The following TENM4 variants were observed in gnomAD, a reference collection of about 807,000 sequenced individuals.
TENM4 encodes the protein teneurin transmembrane protein 4, also known as teneurin-4.
In TENM4, 82 loss-of-function variants were observed where a neutral mutation model predicts 243.3. The ratio of observed to expected loss-of-function variants is 0.34; its 90% CI spans 0.28 to 0.40. TENM4 has a LOEUF of 0.40. Ranked by LOEUF, TENM4 falls within the 10% of genes least tolerant of loss-of-function variation. TENM4 has a pLI of 1.00. For synonymous variants in TENM4, 1,412 were observed against 1,456.3 expected (o/e 0.97, Z 0.69); for missense variants, 3,138 against 3,673.3 (o/e 0.85, Z 3.77).
In TENM4 at chr11:78,669,014, A is replaced by G. The variant is rs779428528; in HGVS notation, c.7331T>C (p.Val2444Ala). Residue 2444 changes from valine (V) to alanine (A), a missense_variant, in exon 32 of 34, where the codon GTC becomes GCC. Physicochemically the swap from Val to Ala is moderately conservative, Grantham distance 64. Coordinates refer to ENST00000278550, the MANE Select transcript of TENM4 (RefSeq NM_001098816.3). This position sits in a 1 kb window ranked among gnomAD's most constrained non-coding sequence, Gnocchi z 6.4. ...GAACATATAGAGATTAAAAGGCATG[A>G]CGTTGCTGCTACTAAGGTGCTTCCA... is the stretch of plus-strand genomic sequence containing the variant. ...ELWKHLSSSN[V>A]MPFNLYMFKN... is the part of the protein sequence containing the mutation. 1.1e-5 allele frequency: 18 copies of G among 1,613,934 alleles called. 1 individual carries two copies. In the South Asian group the frequency reaches 2.0e-4, roughly 18 times the overall value.
In TENM4 at chr11:79,092,600, T is replaced by C. The variant is rs529258887; in HGVS notation, c.-65-22591A>G. Among the ~76,000 whole-genome samples the C allele has an allele frequency of 5.6e-4, 85 of 152,340 alleles. 1 individual carries two copies. Among genetic ancestry groups the C allele is most frequent in the African/African-American group, 2.0e-3 (84 of 41,574 alleles). On this transcript the variant is annotated intron_variant, in intron 4 of 33. Transcript: ENST00000278550. ...GCCAGCCAGGCCTGGAAAGGGTTCA[T>C]GCTGCTTATTTTAACTAAAGAGTAG...
chr11:79,252,010 A>T (rs1565269255), intron 2 of TENM4, among the ~76,000 whole-genome samples: 3 of 152,190 alleles, frequency 2.0e-5, no homozygotes, highest in African/African-American at 7.2e-5. Context: ...ACATACAACT[A>T]ATGGAAATTT....
rs1862200671 is a variant in TENM4 at position 79,139,067 on chromosome 11, CTATAAATATATATT to C, written c.-66+9629_-66+9642del. Among the ~76,000 whole-genome samples, 6 of 5,896 alleles carry C rather than the reference CTATAAATATATATT, an allele frequency of 1.0e-3. No homozygotes were observed. In the South Asian group the frequency reaches 0.023, roughly 22 times the overall value. 3.9% of individuals were successfully genotyped at this position (5,896 alleles called of 152,430 possible). On this transcript the variant is annotated intron_variant, in intron 4 of 33. Coordinates refer to ENST00000278550, the MANE Select transcript of TENM4 (RefSeq NM_001098816.3). ...AATATATAAAATATATATTATATTT[CTATAAATATATATT>C]ATATTTCTATAAATATATAAAATAT...
chr11:78,753,288 T>G (rs1466705061), intron 19 of TENM4, among the ~76,000 whole-genome samples: 1 of 152,202 alleles, frequency 6.6e-6, no homozygotes, highest in Non-Finnish European at 1.5e-5. Flanking sequence ...AGAGTACCAT[T>G]ATTGCCAATT....
intron 1 of TENM4, among the ~76,000 whole-genome samples, chr11:79,412,510 T>G (rs575527079): frequency 8.5e-5 from 13 of 152,170 alleles, no homozygotes; most frequent in Non-Finnish European, 1.3e-4. Flanking sequence ...AGCTCCAACT[T>G]ACTACCCATG....
chr11:79,307,635 G>T (rs1418497185), intron 1 of TENM4, among the ~76,000 whole-genome samples: 2 of 152,102 alleles, frequency 1.3e-5, no homozygotes, highest in African/African-American at 4.8e-5. Context: ...CCCCAGCATG[G>T]CTCAGCCACT....
At chr11:79,010,676 T>C (rs920455448) in intron 6 of TENM4, among the ~76,000 whole-genome samples, 1 of 152,108 alleles carries the variant, frequency 6.6e-6, no homozygotes, top group African/African-American at 2.4e-5. Context: ...TTGTGAGACT[T>C]ACTATCACGG....
At chr11:78,864,433 C>CAAAAAAAAAAAAAAAAA (rs145489804) in intron 9 of TENM4, among the ~76,000 whole-genome samples, 1 of 36,204 alleles carries the variant, frequency 2.8e-5, no homozygotes, top group African/African-American at 1.3e-4. Context: ...GACTCCGTCT[C>CAAAAAAAAAAAAAAAAA]AAAAAAAAAA....
intron 4 of TENM4, among the ~76,000 whole-genome samples, chr11:79,141,088 T>G (rs1862277261): frequency 6.6e-6 from 1 of 152,078 alleles, no homozygotes; most frequent in Non-Finnish European, 1.5e-5. Context: ...CACAGAATCA[T>G]CAGCAGCAGG....
At chr11:79,169,484 TCCCC>T in intron 3 of TENM4, among the ~76,000 whole-genome samples, 2 of 152,044 alleles carry the variant, frequency 1.3e-5, no homozygotes, top group Non-Finnish European at 2.9e-5. Flanking sequence ...TCCTTCCTCT[TCCCC>T]CAAGCTGCCT....
chr11:79,217,264 T>C lies in TENM4; in HGVS notation c.-264-1355A>G, dbSNP rs1462056646. Among the ~76,000 whole-genome samples, 4 of 152,276 alleles carry C rather than the reference T, an allele frequency of 2.6e-5. No individual in the cohort carries two copies. In the East Asian group the frequency reaches 7.7e-4, roughly 29 times the overall value. The stretch of plus-strand genomic sequence containing the variant: ...AAGAGAAGGAATAGGAATTTGAATA[T>C]AGGCCCTCAAAGACTCAAGGTCCCT... On this transcript the variant is annotated intron_variant, in intron 2 of 33. Transcript: ENST00000278550.
chr11:78,946,222 T>C (rs1480304004), intron 6 of TENM4, among the ~76,000 whole-genome samples: 1 of 152,122 alleles, frequency 6.6e-6, no homozygotes, highest in Non-Finnish European at 1.5e-5. Context: ...AGCTGGTGAG[T>C]TGAAGTTGAA....
chr11:79,194,827 A>G (rs1180435139), intron 3 of TENM4, among the ~76,000 whole-genome samples: 1 of 152,260 alleles, frequency 6.6e-6, no homozygotes, highest in Non-Finnish European at 1.5e-5. Context: ...TTGCATAAGT[A>G]GAAAGGAGCC....
chr11:78,662,104 A>C (rs1172258883), intron 32 of TENM4, among the ~76,000 whole-genome samples: 1 of 152,180 alleles, frequency 6.6e-6, no homozygotes, highest in Non-Finnish European at 1.5e-5. Context: ...GAGATGGCCT[A>C]GGCTGCGATC....
At chr11:79,064,616 G>C (rs774722458) in intron 6 of TENM4, 122 bp downstream of exon 6, 3 of 1,334,072 alleles carry the variant, frequency 2.2e-6, no homozygotes, top group Non-Finnish European at 3.1e-6. Context: ...TGACCCCTGA[G>C]AGTAAAGCAA....
intron 6 of TENM4, among the ~76,000 whole-genome samples, chr11:78,929,706 C>T (rs644779): frequency 0.52 from 76,534 of 147,984 alleles, 23,348 homozygotes; most frequent in East Asian, 0.77. Flanking sequence ...TAAATACAGC[C>T]AAGCCAAGCT....
At chr11:78,767,328 G>A (rs1258104930) in intron 18 of TENM4, among the ~76,000 whole-genome samples, 1 of 152,240 alleles carries the variant, frequency 6.6e-6, no homozygotes, top group African/African-American at 2.4e-5. Context: ...CTGGATGGAT[G>A]CACAATTGCT....
In TENM4 at chr11:79,246,137, C is replaced by A. The variant is rs1203907220; in HGVS notation, c.-264-30228G>T. ...GGAAATGAGGGGGCCAGAAGCATGGCCTACATTTATAGAGTGCTCAATAAG... is the reference window on the plus strand; with the variant it reads ...GGAAATGAGGGGGCCAGAAGCATGGACTACATTTATAGAGTGCTCAATAAG... On this transcript the variant is annotated intron_variant, in intron 2 of 33. Transcript: ENST00000278550. Among the ~76,000 whole-genome samples, 13 of 151,980 alleles carry A rather than the reference C, an allele frequency of 8.6e-5. 1 individual carries two copies. The East Asian group carries it at 2.5e-3, about 29-fold the overall frequency.
intron 9 of TENM4, among the ~76,000 whole-genome samples, chr11:78,874,422 T>TA (rs1859213851): frequency 6.6e-6 from 1 of 152,186 alleles, no homozygotes; most frequent in Non-Finnish European, 1.5e-5. Context: ...CCTAATGTAA[T>TA]ACAGTCTGTG....
Sources: gnomAD v4.1 joint callset for allele counts (sites outside exome capture counted in the v4.1 genomes callset) on GRCh38, gnomAD v4.1.1 for gene constraint, Gnocchi (gnomAD v3.1) non-coding constraint, MANE v1.5 for transcripts, NCBI Gene and HGNC (gene_info 2026-07-23, HGNC 2026-07-21) for gene names.